Variants in GALNT14 observed in about 807,000 individuals in gnomAD.
The protein encoded by GALNT14 is polypeptide N-acetylgalactosaminyltransferase 14, also known as UDP-GalNAc:polypeptide N-acetylgalactosaminyltransferase 14.
In GALNT14, 60 loss-of-function variants were observed where a neutral mutation model predicts 77.5. The ratio of observed to expected loss-of-function variants is 0.77; its 90% CI spans 0.63 to 0.96. GALNT14 has a LOEUF of 0.96. GALNT14 is among the 40% of genes least tolerant of loss of function. The pLI is 0.00. For missense variants in GALNT14, 710 were observed against 731.0 expected (o/e 0.97, Z 0.33); for synonymous variants, 280 against 281.7 (o/e 0.99, Z 0.06).
intron 1 of GALNT14, among the ~76,000 whole-genome samples, chr2:31,136,657 A>G (rs1226658131): frequency 6.6e-6 from 1 of 152,200 alleles, no homozygotes; most frequent in Admixed American, 6.5e-5. Flanking sequence ...ATTCCAGAAC[A>G]TAAGTGCTAG....
intron 2 of GALNT14, among the ~76,000 whole-genome samples, chr2:30,992,266 C>G (rs1382873864): frequency 6.6e-6 from 1 of 152,206 alleles, no homozygotes; most frequent in Non-Finnish European, 1.5e-5. Flanking sequence ...CTGCAACCCA[C>G]TGAAGGCATG....
chr2:31,053,509 G>A (rs974068245), intron 1 of GALNT14, among the ~76,000 whole-genome samples: 10 of 149,806 alleles, frequency 6.7e-5, no homozygotes, highest in Non-Finnish European at 1.3e-4. Flanking sequence ...TCAGATCTTA[G>A]CTAAGTCTGG....
At chr2:31,057,395 C>A (rs1378146563) in intron 1 of GALNT14, among the ~76,000 whole-genome samples, 1 of 135,844 alleles carries the variant, frequency 7.4e-6, no homozygotes, top group East Asian at 2.1e-4. Context: ...TATATATATA[C>A]ACAGCTGTTG....
intron 1 of GALNT14, among the ~76,000 whole-genome samples, chr2:31,109,665 TG>T (rs1677739602): frequency 6.6e-6 from 1 of 152,230 alleles, no homozygotes; most frequent in Non-Finnish European, 1.5e-5. Context: ...GGACGCGATG[TG>T]GTACAATCAT....
At chr2:30,902,561 T>C in the GALNT14 span, among the ~76,000 whole-genome samples, 1 of 152,164 alleles carries the variant, frequency 6.6e-6, no homozygotes, top group Non-Finnish European at 1.5e-5. Context: ...TTTGTCCCCC[T>C]GGGGCTGAGG....
chr2:31,092,619 C>T (rs1676809458), intron 1 of GALNT14, among the ~76,000 whole-genome samples: 1 of 152,114 alleles, frequency 6.6e-6, no homozygotes, highest in African/African-American at 2.4e-5. Context: ...GGAGATAAGG[C>T]TCCCTCTCCA....
intron 1 of GALNT14, among the ~76,000 whole-genome samples, chr2:31,054,359 C>T (rs1157955749): frequency 6.6e-6 from 1 of 152,128 alleles, no homozygotes; most frequent in Non-Finnish European, 1.5e-5. Context: ...CATAAATGTC[C>T]CTTCCTCTGA....
intron 1 of GALNT14, among the ~76,000 whole-genome samples, chr2:31,031,558 T>C (rs1007323502): frequency 6.6e-6 from 1 of 152,168 alleles, no homozygotes; most frequent in South Asian, 2.1e-4. Flanking sequence ...CACTGGTACC[T>C]CTGCTTACTT....
At chr2:30,917,955 A>G (rs1340670956) in intron 13 of GALNT14, among the ~76,000 whole-genome samples, 1 of 152,216 alleles carries the variant, frequency 6.6e-6, no homozygotes, top group Admixed American at 6.5e-5. Flanking sequence ...TGCCCTCGTG[A>G]TGCCTCTGGC....
chr2:31,130,145 G>C (rs760690088), intron 1 of GALNT14, among the ~76,000 whole-genome samples: 1 of 152,202 alleles, frequency 6.6e-6, no homozygotes, highest in South Asian at 2.1e-4. Context: ...GCCTCATCTT[G>C]TCTCCAGGAA....
intron 6 of GALNT14, among the ~76,000 whole-genome samples, chr2:30,948,819 C>A (rs1265916595): frequency 6.6e-6 from 1 of 152,178 alleles, no homozygotes; most frequent in South Asian, 2.1e-4. Flanking sequence ...AGACTGCAAT[C>A]CTGTTTTGCT....
At chr2:31,038,251 G>A (rs1672883364) in intron 1 of GALNT14, among the ~76,000 whole-genome samples, 1 of 150,702 alleles carries the variant, frequency 6.6e-6, no homozygotes, top group African/African-American at 2.4e-5. Flanking sequence ...CATGCACCAC[G>A]CCCAGCTAAT....
chr2:30,944,019 C>G (rs370275365), intron 8 of GALNT14, among the ~76,000 whole-genome samples: 6 of 152,222 alleles, frequency 3.9e-5, no homozygotes, highest in African/African-American at 1.4e-4. Context: ...TTTGGCTAGT[C>G]CTGGGCATCC....
intron 6 of GALNT14, among the ~76,000 whole-genome samples, chr2:30,949,553 C>T (rs775585758): frequency 2.2e-4 from 33 of 152,336 alleles, no homozygotes; most frequent in Admixed American, 1.7e-3. Flanking sequence ...AGTCCCTACT[C>T]TCCACCCAAC....
chr2:31,066,526 A>G (rs1413852082), intron 1 of GALNT14, among the ~76,000 whole-genome samples: 1 of 152,152 alleles, frequency 6.6e-6, no homozygotes, highest in African/African-American at 2.4e-5. Flanking sequence ...GGGGCCGTGC[A>G]GGGAAGCCTT....
intron 1 of GALNT14, among the ~76,000 whole-genome samples, chr2:31,132,465 T>G (rs1679041858): frequency 6.6e-6 from 1 of 151,858 alleles, no homozygotes; most frequent in South Asian, 2.1e-4. Flanking sequence ...GGAACTGCCT[T>G]AGAATGGAAA....
chr2:30,997,483 G>A (rs114933025), intron 1 of GALNT14, among the ~76,000 whole-genome samples: 2 of 152,064 alleles, frequency 1.3e-5, no homozygotes, highest in African/African-American at 2.4e-5. Flanking sequence ...GAAGTGATAC[G>A]TCCCGGGAAA....
At chr2:31,129,363 A>G (rs1387249524) in intron 1 of GALNT14, 41 of 984,998 alleles carry the variant, frequency 4.2e-5, no homozygotes, top group Non-Finnish European at 4.6e-5. Context: ...AGTGGTGGGG[A>G]AAAAAGCTAC....
intron 1 of GALNT14, among the ~76,000 whole-genome samples, chr2:31,028,013 T>C (rs1672177453): frequency 6.6e-6 from 1 of 152,068 alleles, no homozygotes; most frequent in Non-Finnish European, 1.5e-5. Context: ...CTAATGAGCA[T>C]ATGTAGTGAG....
Sources: allele counts gnomAD v4.1 joint callset (sites outside exome capture counted in the v4.1 genomes callset), GRCh38; gene constraint gnomAD v4.1.1; transcripts MANE v1.5; gene names NCBI Gene and HGNC (gene_info 2026-07-23, HGNC 2026-07-21).